TANGO6: variants seen among roughly 807,000 people sequenced by gnomAD.
The protein encoded by TANGO6 is transport and Golgi organization protein 6 homolog.
TANGO6 carries 90 observed loss-of-function variants against 114.2 expected under a neutral mutation model. That is an observed-to-expected ratio of 0.79 (90% confidence interval 0.66 to 0.94). The LOEUF (loss-of-function observed/expected upper bound fraction) is 0.94. Ranked by LOEUF, TANGO6 falls within the 40% of genes least tolerant of loss-of-function variation. The pLI, the probability that TANGO6 is intolerant of heterozygous loss-of-function variation, is 0.00. For missense variants in TANGO6, 1,274 were observed against 1,315.3 expected, an observed-to-expected ratio of 0.97 and a Z score of 0.49; for synonymous variants, 477 against 509.8, an observed-to-expected ratio of 0.94 and a Z score of 0.87.
chr16:68,940,218 CT>C (rs1374999983), intron 14 of TANGO6, among the ~76,000 whole-genome samples: 1 of 138,102 alleles, frequency 7.2e-6, no homozygotes, highest in African/African-American at 2.7e-5. Context: ...CTTTTCGTTT[CT>C]TTTTTCTTTT....
Position 69,018,245 on chromosome 16 carries a change from G to A in TANGO6, c.2843-4583G>A, listed in dbSNP as rs545862354. 1.1e-4 allele frequency among the ~76,000 whole-genome samples: 16 copies of A among 143,784 alleles called. No individual in the cohort carries two copies. The East Asian group carries it at 3.5e-3, about 31-fold the overall frequency. 94.3% of individuals were successfully genotyped at this position (143,784 alleles called of 152,430 possible). ...TGCAAGCTCCGCCTCCCGGGTTCAC[G>A]CCATTCTCCTGCCTCAGCCACCCGA... On this transcript the variant is annotated intron_variant, in intron 15 of 17. Coordinates refer to ENST00000261778, the MANE Select transcript of TANGO6 (RefSeq NM_024562.2).
At chr16:68,960,394 C>A (rs1399841338) in intron 14 of TANGO6, among the ~76,000 whole-genome samples, 3 of 151,828 alleles carry the variant, frequency 2.0e-5, no homozygotes, top group Non-Finnish European at 4.4e-5. Flanking sequence ...CACTCCTTCC[C>A]CTCTGGGATT....
At chr16:68,968,713 C>CA (rs1177851137) in intron 14 of TANGO6, among the ~76,000 whole-genome samples, 1 of 146,332 alleles carries the variant, frequency 6.8e-6, no homozygotes, top group African/African-American at 2.6e-5. Context: ...CTCTGTCGCC[C>CA]AGGCTGGAGT....
chr16:68,970,568 G>A (rs1963691903), intron 14 of TANGO6, among the ~76,000 whole-genome samples: 1 of 151,300 alleles, frequency 6.6e-6, no homozygotes, highest in Non-Finnish European at 1.5e-5. Flanking sequence ...TCAGGAGGCT[G>A]AGGCAGGAGA....
At chr16:68,845,946 G>T (rs1247936648) in intron 1 of TANGO6, among the ~76,000 whole-genome samples, 12 of 151,226 alleles carry the variant, frequency 7.9e-5, no homozygotes, top group Admixed American at 5.3e-4. Context: ...CCCACCTCCC[G>T]GGTTCGAGCA....
rs151178436 is a variant in TANGO6 at position 68,893,913 on chromosome 16, C to T, written c.1378-6521C>T. Among the ~76,000 whole-genome samples, 62 of 152,202 alleles carry T rather than the reference C, an allele frequency of 4.1e-4. No individual in the cohort carries two copies. The East Asian group carries it at 0.01, about 25-fold the overall frequency. ...AAAGAGACTAAACATAAGCACAGTCCAAGGAAATCACACAACACCCAGGTG... is the reference window on the plus strand; with the variant it reads ...AAAGAGACTAAACATAAGCACAGTCTAAGGAAATCACACAACACCCAGGTG... On this transcript the variant is annotated intron_variant, in intron 7 of 17. Transcript: ENST00000261778.
At chr16:69,076,088 CTTTTTTTTTTTT>C (rs34844519) in intron 17 of TANGO6, among the ~76,000 whole-genome samples, 1 of 85,684 alleles carries the variant, frequency 1.2e-5, no homozygotes, top group Non-Finnish European at 2.1e-5. Flanking sequence ...TATTTCATTT[CTTTTTTTTTTTT>C]TTTTTTTTTG....
chr16:69,028,022 C>T (rs551479005), intron 16 of TANGO6, among the ~76,000 whole-genome samples: 12 of 151,958 alleles, frequency 7.9e-5, no homozygotes, highest in African/African-American at 2.7e-4. Context: ...TGCAGTGGCA[C>T]GATCTCTGCT....
intron 1 of TANGO6, among the ~76,000 whole-genome samples, chr16:68,847,927 G>T (rs1195552327): frequency 6.6e-6 from 1 of 150,550 alleles, no homozygotes. Flanking sequence ...TTGAACCCAG[G>T]AGGCAGAGGT....
intron 17 of TANGO6, among the ~76,000 whole-genome samples, chr16:69,058,306 G>T (rs990544388): frequency 6.6e-6 from 1 of 152,110 alleles, no homozygotes; most frequent in African/African-American, 2.4e-5. Flanking sequence ...GTCCTCCAAG[G>T]TTTGATACTT....
At chr16:69,083,346 A>T in intron 17 of TANGO6, 139 bp from the exon 18 acceptor site, 1 of 1,119,840 alleles carries the variant, frequency 8.9e-7, no homozygotes, top group East Asian at 2.7e-5. Flanking sequence ...GGCATGAGCC[A>T]CTGCACCCAG....
At chr16:68,861,028 G>T (rs570665235) in intron 2 of TANGO6, among the ~76,000 whole-genome samples, 6 of 152,146 alleles carry the variant, frequency 3.9e-5, no homozygotes, top group African/African-American at 1.2e-4. Context: ...GGTGTTAGGG[G>T]TATATGCCCA....
chr16:68,939,886 C>G (rs1283670165), intron 14 of TANGO6, among the ~76,000 whole-genome samples: 1 of 152,066 alleles, frequency 6.6e-6, no homozygotes, highest in Non-Finnish European at 1.5e-5. Context: ...GCTTCAGTTT[C>G]TAGTGTGCTG....
chr16:68,949,356 C>T (rs575274555), intron 14 of TANGO6, among the ~76,000 whole-genome samples: 6 of 152,148 alleles, frequency 3.9e-5, no homozygotes, highest in African/African-American at 1.2e-4. Context: ...CATGATGGCT[C>T]ACACCTGTAA....
rs1291932299 is a variant in TANGO6 at position 68,980,435 on chromosome 16, A to ATTTTT, written c.2842+6280_2842+6284dup. Among the ~76,000 whole-genome samples, 348 of 61,746 alleles carry ATTTTT rather than the reference A, an allele frequency of 5.6e-3. 13 individuals are homozygous for ATTTTT. The highest frequency in any genetic ancestry group is 0.019 in the African/African-American group (262 of 13,922). The allele number at this position is 61,746 out of a possible 152,430, so 40.5% of individuals were successfully genotyped here. ...TATATATATATATATATATATATAT[A>ATTTTT]TTTTTTTTTTTTTTTTTGAGATAGG... On this transcript the variant is annotated intron_variant, in intron 15 of 17. Transcript: ENST00000261778.
chr16:69,048,258 ATTTT>A (rs71383949), intron 17 of TANGO6, among the ~76,000 whole-genome samples: 1,731 of 111,620 alleles, frequency 0.016, 12 homozygotes, highest in African/African-American at 0.063. Context: ...AATTTTTTGT[ATTTT>A]TTTTTTTTTT....
At chr16:68,928,322 T>TTTTTTA (rs1963196997) in intron 13 of TANGO6, among the ~76,000 whole-genome samples, 1 of 143,440 alleles carries the variant, frequency 7.0e-6, no homozygotes, top group Non-Finnish European at 1.5e-5. Context: ...TTTTTTTTTT[T>TTTTTTA]GAGATGGAAT....
At position 68,990,573 on chromosome 16, in the gene TANGO6, T is replaced by C. The variant is rs115432961; in HGVS notation, c.2842+16405T>C. On this transcript the variant is annotated intron_variant, in intron 15 of 17. Coordinates refer to ENST00000261778, the MANE Select transcript of TANGO6 (RefSeq NM_024562.2). ...AGCCAAACCATATTACCTGGCTAAT[T>C]TGTTTGTATATTTCGTAGAGACAGG... Among the ~76,000 whole-genome samples, 1,424 of 152,116 alleles carry C rather than the reference T, an allele frequency of 9.4e-3. 20 individuals carry two copies. Among genetic ancestry groups the C allele is most frequent in the African/African-American group, 0.033 (1,349 of 41,500 alleles).
chr16:68,866,905 C>G (rs550178476), intron 3 of TANGO6, among the ~76,000 whole-genome samples, 174 bp from the exon 4 acceptor site: 43 of 151,784 alleles, frequency 2.8e-4, no homozygotes, highest in African/African-American at 9.9e-4. Flanking sequence ...CCACTGCACT[C>G]CTGCCTGGGT....
Sources: allele counts gnomAD v4.1 joint callset (sites outside exome capture counted in the v4.1 genomes callset), GRCh38; gene constraint gnomAD v4.1.1; transcripts MANE v1.5; gene names NCBI Gene and HGNC (gene_info 2026-07-23, HGNC 2026-07-21).